The following RNF13 variants were observed in gnomAD, a reference collection of about 807,000 sequenced individuals.
RNF13 encodes the protein E3 ubiquitin-protein ligase RNF13.
Under a neutral mutation model 37.7 loss-of-function variants are expected in RNF13, and 19 were observed. The ratio of observed to expected loss-of-function variants is 0.50; its 90% CI spans 0.35 to 0.74. RNF13 has a LOEUF of 0.74. RNF13 is among the 30% of genes least tolerant of loss of function. The pLI is 0.01. For missense variants in RNF13, 375 were observed against 453.0 expected, an observed-to-expected ratio of 0.83 and a Z score of 1.56; for synonymous variants, 144 against 157.8, an observed-to-expected ratio of 0.91 and a Z score of 0.65.
At chr3:149,851,270 G>A (rs546604200) in intron 2 of RNF13, 1 of 152,336 alleles carries the variant, frequency 6.6e-6, no homozygotes, top group South Asian at 2.1e-4. Flanking sequence ...GACCTGAGTT[G>A]ACGGTGAGCC....
In RNF13 at chr3:149,912,610, A is replaced by T. The variant is rs528221094; in HGVS notation, c.606+527A>T. On this transcript the variant is annotated intron_variant, in intron 7 of 9. Coordinates refer to ENST00000392894, the MANE Select transcript of RNF13 (RefSeq NM_183381.3). ...GATGGGTAAATAGGGTTGTGACAAAAAGCACAGTAAAATGTTAATTATAGA... is the reference window on the plus strand; with the variant it reads ...GATGGGTAAATAGGGTTGTGACAAATAGCACAGTAAAATGTTAATTATAGA... 6.6e-5 allele frequency among the ~76,000 whole-genome samples: 10 copies of T among 152,282 alleles called. No individual in the cohort carries two copies. In the South Asian group the frequency reaches 2.1e-3, roughly 32 times the overall value.
chr3:149,949,557 T>C (rs1017318609), intron 8 of RNF13, among the ~76,000 whole-genome samples: 11 of 152,078 alleles, frequency 7.2e-5, no homozygotes, highest in Non-Finnish European at 1.5e-4. Flanking sequence ...TCTGAGATTC[T>C]TGAATTTGTA....
At position 149,932,976 on chromosome 3, in the gene RNF13, C is replaced by G. The variant is rs561713546; in HGVS notation, c.700+11749C>G. Among the ~76,000 whole-genome samples, 7 of 152,364 alleles carry G rather than the reference C, an allele frequency of 4.6e-5. No individual in the cohort carries two copies. In the East Asian group the frequency reaches 1.3e-3, roughly 29 times the overall value. ...TGCCTGGGACCCAGGCTTTCTAATACATCCTCTGAAATCTAGGTTGGAACC... is the reference window on the plus strand; with the variant it reads ...TGCCTGGGACCCAGGCTTTCTAATAGATCCTCTGAAATCTAGGTTGGAACC... On this transcript the variant is annotated intron_variant, in intron 8 of 9. Transcript: ENST00000392894.
intron 1 of RNF13, among the ~76,000 whole-genome samples, chr3:149,826,202 G>A (rs1444628372): frequency 6.6e-6 from 1 of 152,154 alleles, no homozygotes; most frequent in Non-Finnish European, 1.5e-5. Context: ...GTAATCCATG[G>A]CATCACAATT....
chr3:149,880,741 A>G (rs1013703203), intron 4 of RNF13, among the ~76,000 whole-genome samples: 1 of 152,180 alleles, frequency 6.6e-6, no homozygotes, highest in African/African-American at 2.4e-5. Flanking sequence ...GCCACATTCA[A>G]AGACCTATAA....
At chr3:149,836,074 A>G (rs1721596947) in intron 1 of RNF13, among the ~76,000 whole-genome samples, 1 of 152,114 alleles carries the variant, frequency 6.6e-6, no homozygotes, top group African/African-American at 2.4e-5. Flanking sequence ...TTTTTTGATA[A>G]TGGCCATTCT....
chr3:149,819,720 A>C (rs1384156736), intron 1 of RNF13, among the ~76,000 whole-genome samples: 1 of 152,238 alleles, frequency 6.6e-6, no homozygotes, highest in Non-Finnish European at 1.5e-5. Flanking sequence ...TTTATGAAGA[A>C]CTTTGTGCTA....
intron 8 of RNF13, among the ~76,000 whole-genome samples, chr3:149,926,019 C>T (rs1015322297): frequency 3.3e-5 from 5 of 152,188 alleles, no homozygotes; most frequent in Admixed American, 1.3e-4. Context: ...AAGTACCTTT[C>T]ATGATATATG....
At chr3:149,899,875 T>G (rs562506385) in intron 5 of RNF13, among the ~76,000 whole-genome samples, 1 of 152,216 alleles carries the variant, frequency 6.6e-6, no homozygotes, top group Non-Finnish European at 1.5e-5. Context: ...GAAACTTTGT[T>G]TGAAACATGT....
intron 4 of RNF13, among the ~76,000 whole-genome samples, chr3:149,877,472 C>CTTTTTTTTTTTTTTTTTTTTTGTTTT (rs369676407): frequency 2.0e-5 from 2 of 101,484 alleles, no homozygotes; most frequent in Non-Finnish European, 4.1e-5. Flanking sequence ...TTCTTTCTGT[C>CTTTTTTTTTTTTTTTTTTTTTGTTTT]TTTTTTTTTT....
chr3:149,922,412 C>T (rs553720917), intron 8 of RNF13, among the ~76,000 whole-genome samples: 8 of 152,312 alleles, frequency 5.3e-5, no homozygotes, highest in African/African-American at 1.9e-4. Flanking sequence ...TGATGTTTTG[C>T]TGTGATCTGG....
At chr3:149,817,068 G>T (rs1719537564) in intron 1 of RNF13, among the ~76,000 whole-genome samples, 1 of 152,142 alleles carries the variant, frequency 6.6e-6, no homozygotes, top group Admixed American at 6.5e-5. Context: ...TTTACTTTTG[G>T]AGCTGAGGAG....
chr3:149,822,117 G>A (rs1019292295), intron 1 of RNF13, among the ~76,000 whole-genome samples: 1 of 152,036 alleles, frequency 6.6e-6, no homozygotes, highest in African/African-American at 2.4e-5. Context: ...AAATTGTTTG[G>A]CCTGTTTAGG....
rs576539906 is a variant in RNF13 at position 149,835,989 on chromosome 3, C to T, written c.-16-10022C>T. 2.6e-5 allele frequency among the ~76,000 whole-genome samples: 4 copies of T among 152,202 alleles called. No individual in the cohort carries two copies. In the South Asian group the frequency reaches 6.2e-4, roughly 24 times the overall value. On this transcript the variant is annotated intron_variant, in intron 1 of 9. Transcript: ENST00000392894. The stretch of plus-strand genomic sequence containing the variant: ...CACATTGTTTTCCATAGTGGTTGTA[C>T]TAGTTTACATTCCTGCCAGCAGTGT...
chr3:149,890,446 G>T (rs1182523474), intron 4 of RNF13, among the ~76,000 whole-genome samples: 1 of 152,042 alleles, frequency 6.6e-6, no homozygotes, highest in East Asian at 1.9e-4. Flanking sequence ...AGTAGCAATG[G>T]CAATAAACAT....
chr3:149,816,684 A>G (rs921832232), intron 1 of RNF13, among the ~76,000 whole-genome samples: 3 of 152,230 alleles, frequency 2.0e-5, no homozygotes, highest in African/African-American at 7.2e-5. Flanking sequence ...CCAGACTGGT[A>G]AAGATAGATG....
At chr3:149,813,908 A>G (rs2108297503) in intron 1 of RNF13, 1 of 152,258 alleles carries the variant, frequency 6.6e-6, no homozygotes, top group African/African-American at 2.4e-5. Flanking sequence ...TGCACTTATT[A>G]AATAACTTTG....
At chr3:149,955,660 A>G (rs1482960342) in intron 8 of RNF13, among the ~76,000 whole-genome samples, 2 of 152,200 alleles carry the variant, frequency 1.3e-5, no homozygotes, top group African/African-American at 4.8e-5. Context: ...GTAAGTGGCA[A>G]CTCATGACTC....
At chr3:149,902,041 T>C (rs1715897392) in intron 5 of RNF13, 31 bp from the exon 6 acceptor site, 8 of 1,017,688 alleles carry the variant, frequency 7.9e-6, no homozygotes, top group Non-Finnish European at 1.1e-5. Flanking sequence ...ATATGGGCTT[T>C]TAAGAATAAT....
Sources: gnomAD v4.1 joint callset for allele counts (sites outside exome capture counted in the v4.1 genomes callset) on GRCh38, gnomAD v4.1.1 for gene constraint, MANE v1.5 for transcripts, NCBI Gene and HGNC (gene_info 2026-07-23, HGNC 2026-07-21) for gene names.